Variants in DOCK7 observed in about 807,000 individuals in gnomAD.
DOCK7 encodes dedicator of cytokinesis 7, also known as dedicator of cytokinesis protein 7.
A neutral mutation model predicts 271.0 loss-of-function variants in DOCK7; 138 were observed. The ratio of observed to expected loss-of-function variants is 0.51; its 90% CI spans 0.44 to 0.59. The LOEUF is 0.59. Ranked by LOEUF, DOCK7 falls within the 20% of genes least tolerant of loss-of-function variation. The probability of loss-of-function intolerance (pLI) is 0.00; values close to 1 mark genes in which losing one functional copy is unlikely to be tolerated. For missense variants in DOCK7, 2,066 were observed against 2,592.4 expected, an observed-to-expected ratio of 0.80 and a Z score of 4.41; for synonymous variants, 823 against 876.1, an observed-to-expected ratio of 0.94 and a Z score of 1.07.
At chr1:62,601,039 AT>A in intron 14 of DOCK7, 1 of 1,130,220 alleles carries the variant, frequency 8.8e-7, no homozygotes, top group Middle Eastern at 2.0e-4. Flanking sequence ...CTAATTGTAT[AT>A]TCAGTATCAT....
At chr1:62,513,419 T>C (rs1307219456) in intron 33 of DOCK7, 25 bp downstream of exon 33, 2 of 1,577,050 alleles carry the variant, frequency 1.3e-6, no homozygotes, top group African/African-American at 1.4e-5. Context: ...AATATACAAC[T>C]CAAGGAAATT....
At chr1:62,631,453 CAGTT>C in intron 10 of DOCK7, 48 bp from the exon 11 acceptor site, 2 of 1,453,102 alleles carry the variant, frequency 1.4e-6, no homozygotes, top group Non-Finnish European at 1.9e-6. Context: ...TGAAAGAAAT[CAGTT>C]AAAGGCTATT....
chr1:62,551,692 G>A (rs940916102), intron 22 of DOCK7, among the ~76,000 whole-genome samples: 1 of 151,120 alleles, frequency 6.6e-6, no homozygotes, highest in Non-Finnish European at 1.5e-5. Flanking sequence ...GCAATAAAAA[G>A]AAAACAACAT....
At chr1:62,496,293 T>C in intron 38 of DOCK7, 46 bp downstream of exon 38, 1 of 1,588,260 alleles carries the variant, frequency 6.3e-7, no homozygotes, top group Non-Finnish European at 8.5e-7. Context: ...AGTGCCTATT[T>C]AACAAGCCTA....
intron 14 of DOCK7, among the ~76,000 whole-genome samples, chr1:62,609,890 G>A (rs1000515064): frequency 6.6e-6 from 1 of 152,054 alleles, no homozygotes; most frequent in Non-Finnish European, 1.5e-5. Flanking sequence ...CTGGAGTGCA[G>A]TGGCACTGCA....
intron 6 of DOCK7, 139 bp downstream of exon 6, chr1:62,647,967 T>A: frequency 1.2e-6 from 1 of 843,776 alleles, no homozygotes; most frequent in East Asian, 2.6e-5. Context: ...AATTCACTAG[T>A]ATAAAATGTA....
intron 7 of DOCK7, chr1:62,638,289 G>A (rs1483891762): frequency 1.3e-5 from 2 of 152,002 alleles, no homozygotes; most frequent in Admixed American, 6.5e-5. Flanking sequence ...TTCGATGAAC[G>A]AAAGTTGTCC....
At chr1:62,642,642 TTG>T (rs1433160195) in intron 7 of DOCK7, among the ~76,000 whole-genome samples, 6 of 152,200 alleles carry the variant, frequency 3.9e-5, no homozygotes, top group Non-Finnish European at 7.3e-5. Flanking sequence ...AATTTATACA[TTG>T]TGTTATTGAT....
At chr1:62,506,399 G>T (rs1361254742) in intron 35 of DOCK7, among the ~76,000 whole-genome samples, 1 of 151,998 alleles carries the variant, frequency 6.6e-6, no homozygotes, top group East Asian at 1.9e-4. Context: ...AACCATCTTG[G>T]GATCAGTTAT....
At chr1:62,501,389 TTAAC>T (rs1646779182) in intron 37 of DOCK7, among the ~76,000 whole-genome samples, 1 of 152,130 alleles carries the variant, frequency 6.6e-6, no homozygotes, top group Non-Finnish European at 1.5e-5. Flanking sequence ...AAAGAAGTAC[TTAAC>T]TATCTACAGT....
chr1:62,494,368 T>C lies in DOCK7; in HGVS notation c.5124A>G (p.Ala1708=), dbSNP rs995054926. The C allele has an allele frequency of 2.5e-6, 4 of 1,613,722 alleles. No homozygotes were observed. The highest frequency in any genetic ancestry group is 3.4e-6 in the Non-Finnish European group (4 of 1,179,694). ...GTGCTGCTGAGTGGACTAGACACTG[T>C]GCAGCTTCAGCATGATTGCTTCGTT... The part of the protein sequence containing the change: ...HSERSNHAEA[A]QCLVHSAALV... The change falls in exon 40 of 50, where the codon GCA becomes GCG. Residue 1708 remains alanine (A), a synonymous_variant. Transcript: ENST00000635253.
chr1:62,686,840 GC>G (rs544433901), intron 1 of DOCK7, among the ~76,000 whole-genome samples: 305 of 150,946 alleles, frequency 2.0e-3, no homozygotes, highest in Middle Eastern at 6.8e-3. Flanking sequence ...TTGCTATTTT[GC>G]CCCTTCAGGA....
chr1:62,467,087 G>A (rs752923593), intron 48 of DOCK7, among the ~76,000 whole-genome samples: 16 of 152,150 alleles, frequency 1.1e-4, no homozygotes, highest in Non-Finnish European at 2.1e-4. Flanking sequence ...CTATGGAAGA[G>A]AACTCTGTTA....
rs770841590 is a variant in DOCK7, at chr1:62,650,776, A to AT, written c.390-2233dup. ...TCTCACACCAGTTAGAATGGCGATC[A>AT]TTAAAAAGTCAGGAAACAACAGGTG... On this transcript the variant is annotated intron_variant, in intron 4 of 49. Coordinates refer to ENST00000635253, the MANE Select transcript of DOCK7 (RefSeq NM_001367561.1). Among the ~76,000 whole-genome samples, 519 of 152,328 alleles carry AT rather than the reference A, an allele frequency of 3.4e-3. 2 individuals carry two copies. Among genetic ancestry groups the AT allele is most frequent in the Non-Finnish European group, 5.2e-3 (353 of 68,014 alleles).
At chr1:62,561,736 CT>C in intron 18 of DOCK7, 33 bp from the exon 19 acceptor site, 1 of 1,243,338 alleles carries the variant, frequency 8.0e-7, no homozygotes, top group Non-Finnish European at 1.0e-6. Context: ...ATCACAGATG[CT>C]TAAGTAGATT....
intron 31 of DOCK7, among the ~76,000 whole-genome samples, chr1:62,527,919 T>A (rs1342548384): frequency 6.6e-6 from 1 of 151,988 alleles, no homozygotes; most frequent in Non-Finnish European, 1.5e-5. Flanking sequence ...TGAGGCAATT[T>A]TCCAAATTCT....
chr1:62,526,236 T>C (rs1055452940), intron 31 of DOCK7, among the ~76,000 whole-genome samples: 1 of 152,194 alleles, frequency 6.6e-6, no homozygotes, highest in Admixed American at 6.5e-5. Flanking sequence ...CCACTGTGTC[T>C]GACCAATGAC....
intron 22 of DOCK7, among the ~76,000 whole-genome samples, chr1:62,545,968 T>C (rs896492910): frequency 6.6e-6 from 1 of 152,098 alleles, no homozygotes; most frequent in African/African-American, 2.4e-5. Flanking sequence ...AATCTAATAA[T>C]TGGAACTGGA....
chr1:62,508,912 T>C (rs1330632450), intron 34 of DOCK7, among the ~76,000 whole-genome samples: 2 of 152,282 alleles, frequency 1.3e-5, no homozygotes, highest in African/African-American at 2.4e-5. Context: ...ACAGATACTA[T>C]ATATTACACC....
Sources: allele counts gnomAD v4.1 joint callset (sites outside exome capture counted in the v4.1 genomes callset), GRCh38; gene constraint gnomAD v4.1.1; transcripts MANE v1.5; gene names NCBI Gene and HGNC (gene_info 2026-07-23, HGNC 2026-07-21).